Variants in RNGTT observed in about 807,000 individuals in gnomAD.
RNGTT encodes the protein RNA guanylyltransferase and 5'-phosphatase, also known as mRNA-capping enzyme.
In RNGTT, 33 loss-of-function variants were observed where a neutral mutation model predicts 79.3. That is an observed-to-expected ratio of 0.42 (90% CI 0.32 to 0.56). RNGTT has a LOEUF of 0.56. RNGTT is among the 20% of genes least tolerant of loss of function. RNGTT has a pLI of 0.17. For missense variants in RNGTT, 497 were observed against 739.1 expected (o/e 0.67, Z 3.80); for synonymous variants, 222 against 235.9 (o/e 0.94, Z 0.54).
At chr6:88,674,030 T>C (rs1204528898) in intron 14 of RNGTT, among the ~76,000 whole-genome samples, 1 of 152,178 alleles carries the variant, frequency 6.6e-6, no homozygotes, top group African/African-American at 2.4e-5. Flanking sequence ...ATGAAGAGAA[T>C]CTTGCCAATT....
rs778923275 is a variant in RNGTT at position 88,904,726 on chromosome 6, G to T, written c.673C>A (p.Arg225=). ...TTTTTAAACATTACCAGTTTTAACC[G>T]TTCTTTTCTCCTTTTGCCAAAAGAA... ...SASFGKRRKE[R]LKLGAIFLEG... is the part of the protein sequence containing the mutation. Residue 225 remains arginine, a synonymous_variant, in exon 6 of 16, where the codon CGG becomes AGG. Coordinates refer to ENST00000369485, the MANE Select transcript of RNGTT (RefSeq NM_003800.5). 8.7e-6 allele frequency: 14 copies of T among 1,612,248 alleles called. No homozygotes were observed. Among genetic ancestry groups the T allele is most frequent in the Non-Finnish European group, 1.1e-5 (13 of 1,179,546 alleles).
intron 2 of RNGTT, among the ~76,000 whole-genome samples, chr6:88,934,076 C>G (rs1184289190): frequency 6.6e-6 from 1 of 152,132 alleles, no homozygotes; most frequent in African/African-American, 2.4e-5. Context: ...GCCACCCAGG[C>G]TGGAGTGCAG....
intron 1 of RNGTT, among the ~76,000 whole-genome samples, chr6:88,951,136 GGTGTGA>G (rs2127963873): frequency 6.6e-6 from 1 of 152,224 alleles, no homozygotes; most frequent in African/African-American, 2.4e-5. Context: ...TAGGATTATA[GGTGTGA>G]GCCACCGCAC....
intron 12 of RNGTT, among the ~76,000 whole-genome samples, chr6:88,783,572 A>G (rs1779132978): frequency 6.6e-6 from 1 of 152,192 alleles, no homozygotes; most frequent in African/African-American, 2.4e-5. Context: ...AAAATATAGA[A>G]TTTAAAGAAA....
chr6:88,721,669 C>A (rs1056085983), intron 13 of RNGTT, among the ~76,000 whole-genome samples: 4 of 152,098 alleles, frequency 2.6e-5, no homozygotes, highest in African/African-American at 9.7e-5. Flanking sequence ...CTGTTTATAT[C>A]TCATTATAAC....
At chr6:88,675,989 T>C (rs1582314876) in intron 14 of RNGTT, among the ~76,000 whole-genome samples, 1 of 152,338 alleles carries the variant, frequency 6.6e-6, no homozygotes, top group South Asian at 2.1e-4. Flanking sequence ...CTCTGCAAAC[T>C]GATCTATACA....
rs1444143875 is a variant in RNGTT at position 88,879,351 on chromosome 6, G to A, written c.896+11144C>T. 3.3e-5 allele frequency among the ~76,000 whole-genome samples: 5 copies of A among 152,150 alleles called. No individual in the cohort carries two copies. The East Asian group carries it at 7.7e-4, about 23-fold the overall frequency. On this transcript the variant is annotated intron_variant, in intron 8 of 15. Coordinates refer to ENST00000369485, the MANE Select transcript of RNGTT (RefSeq NM_003800.5). ...AGAGGTTGCAGTGAGCTGAGACCAC[G>A]CCATTGCACTCCAGCCTGGGTGTCA... is the stretch of plus-strand genomic sequence containing the variant.
intron 12 of RNGTT, among the ~76,000 whole-genome samples, chr6:88,798,484 A>G (rs1402707838): frequency 1.3e-5 from 2 of 152,092 alleles, no homozygotes; most frequent in South Asian, 2.1e-4. Context: ...AAAAGAGAGA[A>G]AAATGAACTG....
At chr6:88,647,460 T>A (rs1209055561) in intron 14 of RNGTT, among the ~76,000 whole-genome samples, 1 of 151,966 alleles carries the variant, frequency 6.6e-6, no homozygotes, top group African/African-American at 2.4e-5. Flanking sequence ...CAGTGGCTCA[T>A]GCCTGTAATG....
chr6:88,663,175 T>C (rs1472358980), intron 14 of RNGTT, among the ~76,000 whole-genome samples: 1 of 152,134 alleles, frequency 6.6e-6, no homozygotes, highest in Non-Finnish European at 1.5e-5. Context: ...TTTTGTCTCC[T>C]GAGAGAGGAA....
At chr6:88,930,023 CATATATGCAT>C (rs1038303590) in intron 2 of RNGTT, among the ~76,000 whole-genome samples, 15 of 119,494 alleles carry the variant, frequency 1.3e-4, no homozygotes, top group Non-Finnish European at 2.5e-4. Context: ...TATGTATACA[CATATATGCAT>C]ATATATGCAT....
At chr6:88,673,606 G>A (rs1774737818) in intron 14 of RNGTT, among the ~76,000 whole-genome samples, 1 of 152,062 alleles carries the variant, frequency 6.6e-6, no homozygotes. Flanking sequence ...AAAAGAAAAG[G>A]ACACCCTAAA....
intron 6 of RNGTT, 77 bp from the exon 7 acceptor site, chr6:88,891,992 C>T: frequency 2.0e-6 from 2 of 979,032 alleles, no homozygotes; most frequent in Non-Finnish European, 2.9e-6. Context: ...AAAGAAGAGA[C>T]TGAGAGATAA....
intron 13 of RNGTT, among the ~76,000 whole-genome samples, chr6:88,715,452 T>C (rs974778266): frequency 2.0e-5 from 3 of 152,008 alleles, no homozygotes; most frequent in African/African-American, 4.8e-5. Context: ...CTTCACAGAA[T>C]TGGAAAAAAC....
At chr6:88,811,465 G>T (rs2127871367) in intron 11 of RNGTT, among the ~76,000 whole-genome samples, 2 of 151,916 alleles carry the variant, frequency 1.3e-5, no homozygotes, top group South Asian at 4.1e-4. Flanking sequence ...CTGAGTTGAT[G>T]TTTTATGTCT....
At chr6:88,700,762 C>G (rs1775918791) in intron 13 of RNGTT, among the ~76,000 whole-genome samples, 2 of 152,116 alleles carry the variant, frequency 1.3e-5, no homozygotes, top group African/African-American at 4.8e-5. Context: ...TATGTAACTT[C>G]AGGCAACTCA....
At chr6:88,960,072 A>G (rs1319074994) in intron 1 of RNGTT, among the ~76,000 whole-genome samples, 1 of 152,188 alleles carries the variant, frequency 6.6e-6, no homozygotes, top group Non-Finnish European at 1.5e-5. Flanking sequence ...TCAACCTCAA[A>G]GAATTAGGTT....
At chr6:88,678,315 A>T in intron 14 of RNGTT, 38 bp downstream of exon 14, 2 of 1,584,508 alleles carry the variant, frequency 1.3e-6, no homozygotes, top group Non-Finnish European at 1.7e-6. Context: ...AGATAAGAGA[A>T]CATCCAGGAA....
At position 88,612,690 on chromosome 6, in the gene RNGTT, C is replaced by T; in HGVS notation, c.*29G>A. 1 of 1,486,458 alleles carries T rather than the reference C, an allele frequency of 6.7e-7. No individual in the cohort carries two copies. The highest frequency in any genetic ancestry group is 9.1e-7 in the Non-Finnish European group (1 of 1,102,430). 92.1% of individuals were successfully genotyped at this position (1,486,458 alleles called of 1,614,324 possible). On this transcript the variant is annotated 3_prime_UTR_variant, in exon 16 of 16. Transcript: ENST00000369485. ...CAGCGTTTTTTCCTCATTCCTCTTT[C>T]TTCTTAACCCTCAAGTCACAGGCAG...
Sources: allele counts gnomAD v4.1 joint callset (sites outside exome capture counted in the v4.1 genomes callset), GRCh38; gene constraint gnomAD v4.1.1; transcripts MANE v1.5; gene names NCBI Gene and HGNC (gene_info 2026-07-23, HGNC 2026-07-21).